PCDH15: variants seen among roughly 807,000 people sequenced by gnomAD.
PCDH15 encodes protocadherin related 15.
A neutral mutation model predicts 178.5 loss-of-function variants in PCDH15; 129 were observed. The observed-to-expected ratio is 0.72, with a 90% CI of 0.63 to 0.84. The LOEUF is 0.84. Ranked by LOEUF, PCDH15 falls within the 40% of genes least tolerant of loss-of-function variation. PCDH15 has a pLI of 0.00. For missense variants in PCDH15, 2,230 were observed against 2,099.9 expected (o/e 1.06, Z -1.21); for synonymous variants, 800 against 732.0 (o/e 1.09, Z -1.50).
chr10:53,889,339 A>G (rs915540354), intron 26 of PCDH15, among the ~76,000 whole-genome samples: 2 of 152,150 alleles, frequency 1.3e-5, no homozygotes, highest in African/African-American at 4.8e-5. Flanking sequence ...GTATATAAAG[A>G]ATTCTAAAGA....
At chr10:53,915,498 C>A (rs745956842) in intron 25 of PCDH15, among the ~76,000 whole-genome samples, 1 of 152,122 alleles carries the variant, frequency 6.6e-6, no homozygotes, top group African/African-American at 2.4e-5. Context: ...ATGTGTTTGG[C>A]TGATAGGTTA....
intron 5 of PCDH15, among the ~76,000 whole-genome samples, chr10:54,357,535 C>T (rs529517847): frequency 8.8e-4 from 134 of 152,178 alleles, no homozygotes; most frequent in African/African-American, 3.0e-3. Flanking sequence ...AATGGAAGAA[C>T]ATTCCATGCT....
chr10:54,521,211 A>G (rs145799387), intron 3 of PCDH15, among the ~76,000 whole-genome samples: 2 of 152,086 alleles, frequency 1.3e-5, no homozygotes, highest in African/African-American at 4.8e-5. Context: ...TTAAAGCATA[A>G]TAATAATAAA....
chr10:54,730,049 T>G (rs1382517598), intron 1 of PCDH15, among the ~76,000 whole-genome samples: 1 of 151,538 alleles, frequency 6.6e-6, no homozygotes, highest in Admixed American at 6.6e-5. Context: ...TATTCCTGGG[T>G]ATATATCCAA....
intron 1 of PCDH15, among the ~76,000 whole-genome samples, chr10:55,232,070 T>A (rs1841243555): frequency 6.6e-6 from 1 of 152,008 alleles, no homozygotes; most frequent in Non-Finnish European, 1.5e-5. Flanking sequence ...ACCAACTTTA[T>A]ATTTATTTAG....
At chr10:54,395,448 A>ACC (rs1554950027) in intron 3 of PCDH15, among the ~76,000 whole-genome samples, 12 of 144,052 alleles carry the variant, frequency 8.3e-5, no homozygotes, top group African/African-American at 1.2e-4. Flanking sequence ...ACACACACAC[A>ACC]CCCACATTAA....
intron 2 of PCDH15, among the ~76,000 whole-genome samples, chr10:55,157,858 G>T (rs1384400960): frequency 6.6e-6 from 1 of 151,876 alleles, no homozygotes; most frequent in Non-Finnish European, 1.5e-5. Flanking sequence ...TAATGTAAAT[G>T]ACGAGTAAAT....
At chr10:54,873,695 T>TTATA (rs4019624) in intron 3 of PCDH15, among the ~76,000 whole-genome samples, 7,005 of 138,732 alleles carry the variant, frequency 0.05, 204 homozygotes, top group Non-Finnish European at 0.063. Context: ...CTGCTGTATT[T>TTATA]TATATATATA....
intron 18 of PCDH15, among the ~76,000 whole-genome samples, chr10:54,025,940 T>C (rs577180614): frequency 3.7e-4 from 56 of 152,206 alleles, no homozygotes; most frequent in Non-Finnish European, 7.2e-4. Flanking sequence ...GATTACATTA[T>C]GCTCCCTTGG....
intron 28 of PCDH15, among the ~76,000 whole-genome samples, chr10:53,856,931 A>T (rs980593907): frequency 1.3e-5 from 2 of 152,094 alleles, no homozygotes; most frequent in African/African-American, 2.4e-5. Context: ...AGAAAATAAT[A>T]GACACTGAGG....
chr10:55,475,464 T>C (rs142344734), intron 2 of PCDH15, among the ~76,000 whole-genome samples: 14 of 152,258 alleles, frequency 9.2e-5, no homozygotes, highest in African/African-American at 3.4e-4. Flanking sequence ...ACCTGTATTG[T>C]TAAAAATGTA....
At chr10:54,520,983 G>A (rs1447793912) in intron 3 of PCDH15, among the ~76,000 whole-genome samples, 14 of 147,902 alleles carry the variant, frequency 9.5e-5, no homozygotes, top group South Asian at 6.4e-4. Context: ...AACACCGCAT[G>A]TTCTCACTCA....
intron 23 of PCDH15, among the ~76,000 whole-genome samples, chr10:53,945,867 ATATATATATATAT>A (rs2134126967): frequency 7.6e-6 from 1 of 131,524 alleles, no homozygotes; most frequent in East Asian, 2.2e-4. Context: ...ATATATATAT[ATATATATATATAT>A]ATCACATTTT....
intron 2 of PCDH15, among the ~76,000 whole-genome samples, chr10:55,350,844 A>T (rs1844909222): frequency 6.6e-6 from 1 of 152,104 alleles, no homozygotes; most frequent in African/African-American, 2.4e-5. Flanking sequence ...TTCTCACACA[A>T]CTGTTTGGAT....
In PCDH15 at chr10:53,816,239, C is replaced by T. The variant is rs534988078; in HGVS notation, c.4491G>A (p.Glu1497=). 3.8e-5 allele frequency: 15 copies of T among 398,574 alleles called. No individual in the cohort carries two copies. The highest frequency in any genetic ancestry group is 6.2e-5 in the Non-Finnish European group (14 of 225,966). 24.7% of individuals were successfully genotyped at this position (398,574 alleles called of 1,614,324 possible). The change falls in exon 35 of 38, where the codon GAG becomes GAA. Residue 1497 remains glutamate, a splice_region_variant and synonymous_variant. Coordinates refer to ENST00000644397, the MANE Select transcript of PCDH15 (RefSeq NM_001384140.1). ...TTGAAAAGAAAATGAAAATTGATAC[C>T]TCTGGTTTAAGAAGAGAGGGCCTCA... ...QLLRPSLLKP[E]ELSMESGIDP...
At chr10:54,698,812 A>G (rs1437793062) in intron 1 of PCDH15, among the ~76,000 whole-genome samples, 1 of 152,058 alleles carries the variant, frequency 6.6e-6, no homozygotes, top group Non-Finnish European at 1.5e-5. Flanking sequence ...TTCCCTGACA[A>G]CTGAGCCACT....
At chr10:53,945,864 T>TATATATATATATAC (rs2086520199) in intron 23 of PCDH15, among the ~76,000 whole-genome samples, 3 of 140,302 alleles carry the variant, frequency 2.1e-5, no homozygotes, top group African/African-American at 8.0e-5. Flanking sequence ...TATATATATA[T>TATATATATATATAC]ATATATATAT....
At chr10:53,864,464 G>T (rs2133127373) in intron 27 of PCDH15, among the ~76,000 whole-genome samples, 1 of 152,314 alleles carries the variant, frequency 6.6e-6, no homozygotes. Context: ...CCTTGGAGTG[G>T]CTGTGGGCCA....
chr10:54,345,542 A>T (rs1004390233), intron 6 of PCDH15, among the ~76,000 whole-genome samples: 4 of 151,844 alleles, frequency 2.6e-5, no homozygotes, highest in African/African-American at 9.7e-5. Context: ...AGCTTCAGTT[A>T]AAAAAAATCT....
Sources: allele counts gnomAD v4.1 joint callset (sites outside exome capture counted in the v4.1 genomes callset), GRCh38; gene constraint gnomAD v4.1.1; transcripts MANE v1.5; gene names NCBI Gene and HGNC (gene_info 2026-07-23, HGNC 2026-07-21).